EDNRB: variants seen among roughly 807,000 people sequenced by gnomAD.
EDNRB encodes endothelin receptor type B.
A neutral mutation model predicts 46.4 loss-of-function variants in EDNRB; 18 were observed. The observed-to-expected ratio is 0.39, with a 90% CI of 0.27 to 0.57. The LOEUF is 0.57. Ranked by LOEUF, EDNRB falls within the 20% of genes least tolerant of loss-of-function variation. EDNRB has a pLI of 0.61. For missense variants in EDNRB, 434 were observed against 537.5 expected, an observed-to-expected ratio of 0.81 and a Z score of 1.90; for synonymous variants, 213 against 204.9, an observed-to-expected ratio of 1.04 and a Z score of -0.34.
chr13:77,957,454 T>C (rs1881273346), intron 1 of EDNRB, among the ~76,000 whole-genome samples: 1 of 152,208 alleles, frequency 6.6e-6, no homozygotes, highest in Non-Finnish European at 1.5e-5. Flanking sequence ...ATCACTACGA[T>C]ATAGTAATTT....
rs536876517 is a variant in EDNRB at position 77,910,910 on chromosome 13, A to G, written c.483+7181T>C. Among the ~76,000 whole-genome samples the G allele has an allele frequency of 1.4e-4, 21 of 152,216 alleles. No homozygotes were observed. In the South Asian group the frequency reaches 4.1e-3, roughly 30 times the overall value. On this transcript the variant is annotated intron_variant, in intron 1 of 6. Coordinates refer to ENST00000646607, the MANE Select transcript of EDNRB (RefSeq NM_001122659.3). ...TCTTGAAACAAAATCTCTAAGAGAA[A>G]CATAGAGATAGAAAACAATTTTTTA...
chr13:77,908,266 A>C (rs1879390867), intron 1 of EDNRB, among the ~76,000 whole-genome samples: 1 of 151,908 alleles, frequency 6.6e-6, no homozygotes, highest in South Asian at 2.1e-4. Flanking sequence ...GTGGAGACCC[A>C]GCAAAGCCTG....
chr13:77,943,849 T>C (rs1880821842), intron 1 of EDNRB, among the ~76,000 whole-genome samples: 1 of 152,072 alleles, frequency 6.6e-6, no homozygotes, highest in South Asian at 2.1e-4. Context: ...TAGATTTTTC[T>C]AGAAAATTTT....
intron 1 of EDNRB, among the ~76,000 whole-genome samples, chr13:77,937,078 T>A (rs1387965440): frequency 2.0e-5 from 3 of 152,204 alleles, no homozygotes; most frequent in Non-Finnish European, 4.4e-5. Flanking sequence ...ATATTAAGAA[T>A]AAGGCGGCCT....
chr13:77,960,547 T>C (rs1881375751), intron 1 of EDNRB, among the ~76,000 whole-genome samples: 1 of 151,870 alleles, frequency 6.6e-6, no homozygotes, highest in South Asian at 2.1e-4. Context: ...GCACTGAACA[T>C]GGAAAGGAAC....
At chr13:77,904,438 A>G (rs1425413723) in intron 1 of EDNRB, among the ~76,000 whole-genome samples, 1 of 151,900 alleles carries the variant, frequency 6.6e-6, no homozygotes, top group Non-Finnish European at 1.5e-5. Context: ...TGTAAGACAG[A>G]CTATGAGCTC....
At chr13:77,957,432 GTTA>G (rs948893080) in intron 1 of EDNRB, among the ~76,000 whole-genome samples, 4 of 152,148 alleles carry the variant, frequency 2.6e-5, no homozygotes, top group African/African-American at 9.7e-5. Context: ...CTACTTTTAT[GTTA>G]TTGTGAAAAT....
intron 1 of EDNRB, among the ~76,000 whole-genome samples, chr13:77,943,512 C>A (rs1423582881): frequency 6.6e-6 from 1 of 152,108 alleles, no homozygotes; most frequent in African/African-American, 2.4e-5. Context: ...GTAAGTACTA[C>A]TGCTTCTGAT....
intron 1 of EDNRB, among the ~76,000 whole-genome samples, chr13:77,963,149 T>C (rs139872861): frequency 0.014 from 2,204 of 152,330 alleles, 45 homozygotes; most frequent in East Asian, 0.024. Flanking sequence ...GAACATTCCA[T>C]GCTCATGGAT....
At chr13:77,935,985 A>G (rs1449256886) in intron 1 of EDNRB, among the ~76,000 whole-genome samples, 2 of 152,118 alleles carry the variant, frequency 1.3e-5, no homozygotes, top group Non-Finnish European at 2.9e-5. Context: ...AATTGTAAGG[A>G]GAGTTTATAG....
intron 1 of EDNRB, among the ~76,000 whole-genome samples, chr13:77,964,487 A>G (rs1881521879): frequency 6.6e-6 from 1 of 152,208 alleles, no homozygotes; most frequent in Non-Finnish European, 1.5e-5. Context: ...TGAGACATGG[A>G]TGAAGCTGGA....
chr13:77,956,934 A>T (rs1881258316), intron 1 of EDNRB, among the ~76,000 whole-genome samples: 2 of 152,236 alleles, frequency 1.3e-5, no homozygotes, highest in South Asian at 4.1e-4. Context: ...TGCCTTCAAA[A>T]GGTCCTTATA....
intron 2 of EDNRB, 30 bp from the exon 3 acceptor site, chr13:77,903,390 G>A (rs1255564749): frequency 3.1e-6 from 5 of 1,612,196 alleles, no homozygotes; most frequent in East Asian, 2.2e-5. Flanking sequence ...TGTATTTTAA[G>A]CTGGCATACC....
chr13:77,911,257 C>T (rs1004323617), intron 1 of EDNRB, among the ~76,000 whole-genome samples: 3 of 151,972 alleles, frequency 2.0e-5, no homozygotes, highest in Admixed American at 6.6e-5. Context: ...TGGCTCAGAA[C>T]GAGACTTGCA....
intron 1 of EDNRB, among the ~76,000 whole-genome samples, chr13:77,947,037 G>A (rs1316163081): frequency 2.0e-5 from 3 of 152,122 alleles, no homozygotes; most frequent in Non-Finnish European, 4.4e-5. Context: ...AATTAAATAA[G>A]CTTTTCTAAA....
At chr13:77,956,508 C>T (rs1881245702) in intron 1 of EDNRB, among the ~76,000 whole-genome samples, 1 of 152,066 alleles carries the variant, frequency 6.6e-6, no homozygotes, top group African/African-American at 2.4e-5. Context: ...CTTTTTCTTG[C>T]CTAATTTGGA....
chr13:77,967,181 A>G (rs994357375), intron 1 of EDNRB, among the ~76,000 whole-genome samples: 1 of 152,182 alleles, frequency 6.6e-6, no homozygotes, highest in Non-Finnish European at 1.5e-5. Context: ...GCAAAAATAC[A>G]TACACTAAGA....
At chr13:77,929,183 T>C (rs1433729992) in intron 1 of EDNRB, among the ~76,000 whole-genome samples, 1 of 152,174 alleles carries the variant, frequency 6.6e-6, no homozygotes, top group Non-Finnish European at 1.5e-5. Context: ...CATGAGCAAA[T>C]ATATTTTAGG....
At chr13:77,911,265 G>A (rs1879555674) in intron 1 of EDNRB, among the ~76,000 whole-genome samples, 1 of 151,994 alleles carries the variant, frequency 6.6e-6, no homozygotes, top group Non-Finnish European at 1.5e-5. Flanking sequence ...AACGAGACTT[G>A]CAAACTACAT....
Sources: gnomAD v4.1 joint callset for allele counts (sites outside exome capture counted in the v4.1 genomes callset) on GRCh38, gnomAD v4.1.1 for gene constraint, MANE v1.5 for transcripts, NCBI Gene and HGNC (gene_info 2026-07-23, HGNC 2026-07-21) for gene names.